The following MRPL48 variants were observed in gnomAD, a reference collection of about 807,000 sequenced individuals.
The protein encoded by MRPL48 is mitochondrial ribosomal protein L48.
In MRPL48, 16 loss-of-function variants were observed where a neutral mutation model predicts 32.9. The ratio of observed to expected loss-of-function variants is 0.49; its 90% CI spans 0.33 to 0.74. The LOEUF (loss-of-function observed/expected upper bound fraction) is 0.74. Ranked by LOEUF, MRPL48 falls within the 30% of genes least tolerant of loss-of-function variation. The pLI, the probability that MRPL48 is intolerant of heterozygous loss-of-function variation, is 0.02. For missense variants in MRPL48, 206 were observed against 245.3 expected, an observed-to-expected ratio of 0.84 and a Z score of 1.07; for synonymous variants, 94 against 89.2, an observed-to-expected ratio of 1.05 and a Z score of -0.31.
intron 4 of MRPL48, among the ~76,000 whole-genome samples, chr11:73,828,717 A>C (rs1947943525): frequency 6.6e-6 from 1 of 151,962 alleles, no homozygotes; most frequent in African/African-American, 2.4e-5. Context: ...ACCTTAGAGT[A>C]AATTATTGAA....
intron 5 of MRPL48, among the ~76,000 whole-genome samples, chr11:73,846,103 C>T (rs1244861811): frequency 6.8e-6 from 1 of 146,014 alleles, no homozygotes; most frequent in East Asian, 2.0e-4. Context: ...TTAAAAAAAG[C>T]AAACACTGAA....
At chr11:73,831,418 T>G (rs1342745815) in intron 4 of MRPL48, among the ~76,000 whole-genome samples, 2 of 152,212 alleles carry the variant, frequency 1.3e-5, no homozygotes, top group Non-Finnish European at 2.9e-5. Flanking sequence ...TCTCTGCCTT[T>G]GCACATGCTC....
At chr11:73,790,673 C>T (rs865939376) in intron 1 of MRPL48, among the ~76,000 whole-genome samples, 8 of 151,720 alleles carry the variant, frequency 5.3e-5, no homozygotes, top group Non-Finnish European at 7.4e-5. Flanking sequence ...CTTGAGCAAC[C>T]GTGCCTGGCC....
intron 4 of MRPL48, among the ~76,000 whole-genome samples, chr11:73,826,774 C>CTTTTTTTTT (rs71065041): frequency 8.3e-5 from 9 of 108,926 alleles, no homozygotes; most frequent in Non-Finnish European, 1.1e-4. Context: ...ACTGTATTTT[C>CTTTTTTTTT]TTTTTTTTTT....
At chr11:73,804,841 G>T (rs1013628357) in intron 1 of MRPL48, among the ~76,000 whole-genome samples, 186 bp from the exon 2 acceptor site, 6 of 152,194 alleles carry the variant, frequency 3.9e-5, no homozygotes, top group African/African-American at 1.2e-4. Flanking sequence ...GTAGTGGGTG[G>T]AATGAGAATG....
At chr11:73,858,250 A>T (rs2135085527) in intron 5 of MRPL48, among the ~76,000 whole-genome samples, 1 of 152,376 alleles carries the variant, frequency 6.6e-6, no homozygotes. Flanking sequence ...GATGTTATTT[A>T]GAAAGACTAC....
intron 3 of MRPL48, among the ~76,000 whole-genome samples, chr11:73,824,864 G>A (rs530201483): frequency 2.6e-5 from 4 of 152,206 alleles, no homozygotes; most frequent in East Asian, 1.9e-4. Flanking sequence ...AGTGGGGATC[G>A]TGCATATTCT....
chr11:73,848,286 G>T lies in MRPL48; in HGVS notation c.371+3310G>T, dbSNP rs544756134. 2.6e-5 allele frequency among the ~76,000 whole-genome samples: 4 copies of T among 151,996 alleles called. No homozygotes were observed. In the South Asian group the frequency reaches 8.3e-4, roughly 32 times the overall value. ...CCTTTTTTGACAGCCAGTTGACCAT[G>T]TATATGTGGGTCTATTTCTCTGCTC... is the stretch of plus-strand genomic sequence containing the variant. On this transcript the variant is annotated intron_variant, in intron 5 of 7. Coordinates refer to ENST00000310614, the MANE Select transcript of MRPL48 (RefSeq NM_016055.6).
chr11:73,795,631 C>G (rs1388410999), intron 1 of MRPL48, among the ~76,000 whole-genome samples: 2 of 151,576 alleles, frequency 1.3e-5, no homozygotes, highest in Non-Finnish European at 1.5e-5. Flanking sequence ...CTCAGCCTCC[C>G]CAGTAGCTGG....
intron 4 of MRPL48, among the ~76,000 whole-genome samples, chr11:73,834,721 G>C (rs1274133164): frequency 1.3e-5 from 2 of 151,716 alleles, no homozygotes; most frequent in Non-Finnish European, 2.9e-5. Flanking sequence ...TTTTAGTAGA[G>C]ACAGGGTTTC....
At chr11:73,820,979 A>G (rs1011753061) in intron 3 of MRPL48, among the ~76,000 whole-genome samples, 2 of 151,826 alleles carry the variant, frequency 1.3e-5, no homozygotes, top group Non-Finnish European at 2.9e-5. Flanking sequence ...TTTTGTTTTC[A>G]TCACTTACCA....
intron 5 of MRPL48, among the ~76,000 whole-genome samples, chr11:73,857,746 C>T (rs1948511270): frequency 6.6e-6 from 1 of 151,910 alleles, no homozygotes; most frequent in Admixed American, 6.6e-5. Flanking sequence ...AGGCAGCTGC[C>T]ACCACACCCA....
chr11:73,824,162 A>G (rs550675331), intron 3 of MRPL48, among the ~76,000 whole-genome samples: 17 of 151,860 alleles, frequency 1.1e-4, no homozygotes, highest in East Asian at 3.9e-4. Context: ...CCAAGACCCT[A>G]TTTTTTTAAT....
At chr11:73,832,906 G>A (rs994453957) in intron 4 of MRPL48, among the ~76,000 whole-genome samples, 2 of 152,100 alleles carry the variant, frequency 1.3e-5, no homozygotes, top group South Asian at 2.1e-4. Context: ...TCAGGTGAAC[G>A]GGACATGGTC....
intron 2 of MRPL48, among the ~76,000 whole-genome samples, chr11:73,807,729 C>T (rs1018206834): frequency 1.3e-5 from 2 of 151,278 alleles, no homozygotes; most frequent in Non-Finnish European, 2.9e-5. Flanking sequence ...CCTCCGCCTC[C>T]CAAGTTCAGG....
intron 5 of MRPL48, chr11:73,851,209 T>C (rs1269831290): frequency 1.7e-5 from 7 of 420,258 alleles, no homozygotes; most frequent in Non-Finnish European, 2.9e-5. Context: ...TGCCGCCATA[T>C]TGGACAAACA....
intron 1 of MRPL48, among the ~76,000 whole-genome samples, chr11:73,789,107 A>G (rs1947102077): frequency 6.6e-6 from 1 of 152,200 alleles, no homozygotes; most frequent in Non-Finnish European, 1.5e-5. Flanking sequence ...TTATGAAACA[A>G]TTCACTTGTT....
intron 3 of MRPL48, among the ~76,000 whole-genome samples, chr11:73,810,975 A>T (rs1366645267): frequency 2.0e-5 from 3 of 152,204 alleles, no homozygotes; most frequent in Admixed American, 2.0e-4. Context: ...AATGAATGTG[A>T]TCACTTAAGG....
chr11:73,846,090 A>AAG (rs1376745174), intron 5 of MRPL48, among the ~76,000 whole-genome samples: 3 of 147,786 alleles, frequency 2.0e-5, no homozygotes, highest in African/African-American at 7.4e-5. Flanking sequence ...AAAAAAAAAA[A>AAG]GATTAAAAAA....
Sources: allele counts gnomAD v4.1 joint callset (sites outside exome capture counted in the v4.1 genomes callset), GRCh38; gene constraint gnomAD v4.1.1; transcripts MANE v1.5; gene names NCBI Gene and HGNC (gene_info 2026-07-23, HGNC 2026-07-21).